RNF125: variants seen among roughly 807,000 people sequenced by gnomAD.
RNF125 encodes the protein E3 ubiquitin-protein ligase RNF125.
RNF125 carries 21 observed loss-of-function variants against 26.0 expected under a neutral mutation model. The observed-to-expected ratio is 0.81, with a 90% CI of 0.57 to 1.16. The LOEUF is 1.16. Among genes scored for constraint, RNF125 ranks in the 50% most tolerant of loss-of-function variants. The pLI, the probability that RNF125 is intolerant of heterozygous loss-of-function variation, is 0.00. For missense variants in RNF125, 270 were observed against 299.4 expected, an observed-to-expected ratio of 0.90 and a Z score of 0.72; for synonymous variants, 95 against 109.2, an observed-to-expected ratio of 0.87 and a Z score of 0.81.
chr18:32,075,878 T>C (rs2039566939), downstream of RNF125: 2 of 954,884 alleles, frequency 2.1e-6, no homozygotes, highest in Non-Finnish European at 3.3e-6. Context: ...AAATATATAT[T>C]ACATCTCTAG....
chr18:32,023,216 G>A (rs1042425455), intron 1 of RNF125, among the ~76,000 whole-genome samples: 3 of 152,126 alleles, frequency 2.0e-5, no homozygotes, highest in African/African-American at 7.2e-5. Context: ...GCAGTGGCGT[G>A]ATCTCAGCTC....
intron 4 of RNF125, among the ~76,000 whole-genome samples, 194 bp downstream of exon 4, chr18:32,045,926 A>G (rs1433229750): frequency 6.6e-6 from 1 of 152,052 alleles, no homozygotes; most frequent in East Asian, 1.9e-4. Flanking sequence ...ATGTGTAATC[A>G]CTCATTTATG....
intron 1 of RNF125, among the ~76,000 whole-genome samples, chr18:32,030,792 G>C (rs1263992512): frequency 2.6e-5 from 4 of 152,154 alleles, no homozygotes; most frequent in Non-Finnish European, 5.9e-5. Flanking sequence ...ACCTGGCTAG[G>C]GTCATCCCCT....
chr18:32,024,196 TTTTTTTTTTTTTC>T (rs1008016272), intron 1 of RNF125, among the ~76,000 whole-genome samples: 10 of 93,432 alleles, frequency 1.1e-4, no homozygotes, highest in African/African-American at 2.7e-4. Flanking sequence ...GCCATTCTTT[TTTTTTTTTTTTTC>T]TTTTTTTTTT....
At chr18:32,064,347 A>G (rs921931759) in intron 4 of RNF125, among the ~76,000 whole-genome samples, 1 of 148,172 alleles carries the variant, frequency 6.7e-6, no homozygotes, top group Non-Finnish European at 1.5e-5. Context: ...ACACACACAC[A>G]CTGAAAAATA....
intron 4 of RNF125, among the ~76,000 whole-genome samples, chr18:32,055,883 G>T (rs1024552540): frequency 2.0e-5 from 3 of 149,194 alleles, no homozygotes; most frequent in African/African-American, 7.4e-5. Context: ...GGAGGCTGAG[G>T]CAGGAGAATC....
intron 3 of RNF125, 71 bp from the exon 4 acceptor site, chr18:32,045,571 A>AAC: frequency 1.2e-5 from 13 of 1,078,270 alleles, no homozygotes; most frequent in Non-Finnish European, 1.8e-5. Context: ...CAAAAAAAAA[A>AAC]AGAAAAAAAA....
chr18:32,034,864 G>A (rs550776960), intron 1 of RNF125, among the ~76,000 whole-genome samples: 50 of 141,476 alleles, frequency 3.5e-4, no homozygotes, highest in African/African-American at 1.3e-3. Context: ...GCAGTGAGCC[G>A]AGATTGTACC....
chr18:32,020,507 A>G (rs2038976733), intron 1 of RNF125, among the ~76,000 whole-genome samples: 1 of 151,764 alleles, frequency 6.6e-6, no homozygotes, highest in Non-Finnish European at 1.5e-5. Flanking sequence ...TTGGCTTAGC[A>G]GGAAGAAAGA....
chr18:32,090,433 C>T, the RNF125 span, among the ~76,000 whole-genome samples: 5 of 152,102 alleles, frequency 3.3e-5, no homozygotes, highest in African/African-American at 9.7e-5. Flanking sequence ...GCTTCCACTG[C>T]GCTTGCTGCT....
At chr18:32,049,600 T>G (rs1410513822) in intron 4 of RNF125, among the ~76,000 whole-genome samples, 23 of 122,874 alleles carry the variant, frequency 1.9e-4, no homozygotes, top group Middle Eastern at 3.6e-3. Flanking sequence ...GTCGGGGGGG[T>G]GGCGGGGAGG....
At chr18:32,025,922 T>C (rs890631201) in intron 1 of RNF125, among the ~76,000 whole-genome samples, 3 of 151,940 alleles carry the variant, frequency 2.0e-5, no homozygotes, top group African/African-American at 4.8e-5. Flanking sequence ...AATACAGTTT[T>C]AGTTAGTAGG....
At chr18:32,075,294 A>G (rs372633144), downstream of RNF125, among the ~76,000 whole-genome samples, 1 of 152,200 alleles carries the variant, frequency 6.6e-6, no homozygotes, top group South Asian at 2.1e-4. Flanking sequence ...GTGGTGGCTC[A>G]CGCCTGTAAT....
At chr18:32,090,254 A>T in the RNF125 span, among the ~76,000 whole-genome samples, 3 of 152,182 alleles carry the variant, frequency 2.0e-5, no homozygotes, top group Non-Finnish European at 4.4e-5. Context: ...TCAAAAGAAA[A>T]AAGAAAAAAA....
At chr18:32,067,242 G>C (rs1331138635) in intron 5 of RNF125, among the ~76,000 whole-genome samples, 1 of 152,212 alleles carries the variant, frequency 6.6e-6, no homozygotes, top group African/African-American at 2.4e-5. Flanking sequence ...GACAGAGCGA[G>C]ACTCCGTCTC....
At chr18:32,021,295 T>C (rs2038984539) in intron 1 of RNF125, among the ~76,000 whole-genome samples, 1 of 152,236 alleles carries the variant, frequency 6.6e-6, no homozygotes. Flanking sequence ...TTAGCCAGGA[T>C]GGTCTTGATC....
chr18:32,028,316 A>AAG (rs2039058147), intron 1 of RNF125, among the ~76,000 whole-genome samples: 1 of 150,382 alleles, frequency 6.6e-6, no homozygotes, highest in Non-Finnish European at 1.5e-5. Flanking sequence ...AAAAAAAAAA[A>AAG]AAAAAAAAAT....
the RNF125 span, among the ~76,000 whole-genome samples, chr18:32,090,443 T>TAAGGAGGAAAAGCAAC: frequency 1.3e-5 from 2 of 152,254 alleles, no homozygotes; most frequent in Admixed American, 6.5e-5. Flanking sequence ...CGCTTGCTGC[T>TAAGGAGGAAAAGCAAC]AAGGAGGAAA....
At chr18:32,025,912 A>C (rs2039029733) in intron 1 of RNF125, among the ~76,000 whole-genome samples, 1 of 152,008 alleles carries the variant, frequency 6.6e-6, no homozygotes, top group East Asian at 1.9e-4. Context: ...TCAAAAGGCC[A>C]ATACAGTTTT....
Sources: gnomAD v4.1 joint callset for allele counts (sites outside exome capture counted in the v4.1 genomes callset) on GRCh38, gnomAD v4.1.1 for gene constraint, MANE v1.5 for transcripts, NCBI Gene and HGNC (gene_info 2026-07-23, HGNC 2026-07-21) for gene names.